The following RAB3GAP1 variants were observed in gnomAD, a reference collection of about 807,000 sequenced individuals.
RAB3GAP1 encodes RAB3 GTPase activating protein catalytic subunit 1, also known as rab3 GTPase-activating protein catalytic subunit.
RAB3GAP1 carries 86 observed loss-of-function variants against 130.7 expected under a neutral mutation model. The observed-to-expected ratio is 0.66, with a 90% confidence interval of 0.55 to 0.79. The LOEUF (loss-of-function observed/expected upper bound fraction) is 0.79, where lower values mean the gene tolerates loss of function less well. RAB3GAP1 is among the 30% of genes least tolerant of loss of function. The probability of loss-of-function intolerance (pLI) is 0.00; values close to 1 mark genes in which losing one functional copy is unlikely to be tolerated. For synonymous variants in RAB3GAP1, 367 were observed against 401.7 expected (o/e 0.91, Z 1.03); for missense variants, 1,029 against 1,169.4 (o/e 0.88, Z 1.75).
chr2:135,140,680 G>T (rs1212982688), intron 17 of RAB3GAP1, among the ~76,000 whole-genome samples: 1 of 152,212 alleles, frequency 6.6e-6, no homozygotes, highest in African/African-American at 2.4e-5. Context: ...ACAGCAGTGG[G>T]AGTTATCAGT....
At chr2:135,143,116 T>G (rs1372317686) in intron 17 of RAB3GAP1, among the ~76,000 whole-genome samples, 3 of 152,044 alleles carry the variant, frequency 2.0e-5, no homozygotes, top group African/African-American at 7.2e-5. Context: ...TAAATTAGAT[T>G]TCTTTAATAG....
At chr2:135,083,746 T>G (rs1000231037) in intron 3 of RAB3GAP1, among the ~76,000 whole-genome samples, 3 of 147,784 alleles carry the variant, frequency 2.0e-5, no homozygotes, top group African/African-American at 7.5e-5. Context: ...ATTATAGGCG[T>G]CAGCCACTGT....
At chr2:135,126,860 CT>C (rs1691364430) in intron 11 of RAB3GAP1, among the ~76,000 whole-genome samples, 1 of 152,054 alleles carries the variant, frequency 6.6e-6, no homozygotes, top group South Asian at 2.1e-4. Context: ...CTTTATGTTT[CT>C]GATGCTTTTA....
intron 3 of RAB3GAP1, among the ~76,000 whole-genome samples, chr2:135,071,362 A>G (rs1558761767): frequency 1.3e-5 from 2 of 152,180 alleles, no homozygotes; most frequent in African/African-American, 2.4e-5. Context: ...AAATATTTGA[A>G]TGGATGGTAA....
intron 2 of RAB3GAP1, among the ~76,000 whole-genome samples, chr2:135,056,352 G>C (rs1689010949): frequency 6.6e-6 from 1 of 151,952 alleles, no homozygotes; most frequent in Non-Finnish European, 1.5e-5. Flanking sequence ...ACAGGTGCCT[G>C]CCACCGCGCC....
chr2:135,094,762 G>GT lies in RAB3GAP1; in HGVS notation c.362+1076dup, dbSNP rs1046757469. On this transcript the variant is annotated intron_variant, in intron 5 of 23. Coordinates refer to ENST00000264158, the MANE Select transcript of RAB3GAP1 (RefSeq NM_012233.3). Reference sequence around the variant, plus strand: ...TTATCTCCGTGAGTTCAGTTTGTTTGTTTTTTTAGCTCCCACATATTAGTG... The same window carrying GT: ...TTATCTCCGTGAGTTCAGTTTGTTTGTTTTTTTTAGCTCCCACATATTAGTG... Among the ~76,000 whole-genome samples, 12 of 152,084 alleles carry GT rather than the reference G, an allele frequency of 7.9e-5. No homozygotes were observed. In the East Asian group the frequency reaches 1.7e-3, roughly 22 times the overall value.
intron 4 of RAB3GAP1, among the ~76,000 whole-genome samples, chr2:135,092,133 A>G (rs1412184169): frequency 6.6e-6 from 1 of 152,212 alleles, no homozygotes. Flanking sequence ...CCATATATAC[A>G]TATATGTAAG....
intron 3 of RAB3GAP1, among the ~76,000 whole-genome samples, chr2:135,090,617 A>T (rs374955921): frequency 6.6e-6 from 1 of 152,236 alleles, no homozygotes; most frequent in Non-Finnish European, 1.5e-5. Flanking sequence ...AATAAGTGCT[A>T]CAGGTGTCAT....
intron 5 of RAB3GAP1, among the ~76,000 whole-genome samples, chr2:135,105,215 TCCCCCTTCCCCCTCCCGCTC>T (rs1389755517): frequency 2.1e-4 from 2 of 9,558 alleles, no homozygotes; most frequent in African/African-American, 3.8e-4. Flanking sequence ...CCTCTCCCCC[TCCCCCTTCCCCCTCCCGCTC>T]CCCCCTTCCC....
At chr2:135,141,623 G>T (rs535970764) in intron 17 of RAB3GAP1, among the ~76,000 whole-genome samples, 12 of 152,124 alleles carry the variant, frequency 7.9e-5, no homozygotes, top group African/African-American at 2.9e-4. Context: ...TGCTTTTTGT[G>T]TTCTGCTTAA....
At chr2:135,168,371 T>G (rs1362374849) in intron 23 of RAB3GAP1, among the ~76,000 whole-genome samples, 174 bp from the exon 24 acceptor site, 1 of 152,262 alleles carries the variant, frequency 6.6e-6, no homozygotes, top group Non-Finnish European at 1.5e-5. Context: ...GTCTCAAGCT[T>G]CTTGCATTTG....
Position 135,157,839 on chromosome 2 carries a change from A to C in RAB3GAP1, c.2289+3963A>C, listed in dbSNP as rs547070098. Among the ~76,000 whole-genome samples the C allele has an allele frequency of 2.8e-4, 42 of 151,842 alleles. No individual in the cohort carries two copies. In the East Asian group the frequency reaches 7.9e-3, roughly 29 times the overall value. ...AGAGTGAGAATCCATCTCAAAAAAA[A>C]AAAAAAAAAACAAAAACAATCTTGA... On this transcript the variant is annotated intron_variant, in intron 19 of 23. Transcript: ENST00000264158.
At chr2:135,141,347 C>T (rs925589182) in intron 17 of RAB3GAP1, among the ~76,000 whole-genome samples, 4 of 151,644 alleles carry the variant, frequency 2.6e-5, no homozygotes, top group Non-Finnish European at 5.9e-5. Context: ...GCCTCAGCCT[C>T]CCGAGTAGCT....
intron 23 of RAB3GAP1, among the ~76,000 whole-genome samples, chr2:135,164,949 G>T (rs1161508334): frequency 6.6e-6 from 1 of 152,156 alleles, no homozygotes; most frequent in Non-Finnish European, 1.5e-5. Context: ...AAAATCCATT[G>T]TTATAGAAGC....
Position 135,058,005 on chromosome 2 carries a change from T to G in RAB3GAP1, c.75-6T>G. On this transcript the variant is annotated splice_region_variant and splice_polypyrimidine_tract_variant and intron_variant, in intron 2 of 23. Coordinates refer to ENST00000264158, the MANE Select transcript of RAB3GAP1 (RefSeq NM_012233.3). ...TGTATTTAGAAGCTTTCTCCCTACT[T>G]CCTAGGTTTATTTCCAAAGTTGAAG... 3.1e-6 allele frequency: 5 copies of G among 1,601,930 alleles called. No individual in the cohort carries two copies. Among genetic ancestry groups the G allele is most frequent in the Non-Finnish European group, 3.4e-6 (4 of 1,169,204 alleles).
rs77972211 is a variant in RAB3GAP1 at position 135,130,062 on chromosome 2, A to G, written c.1041A>G (p.Arg347=). The change falls in exon 12 of 24, where the codon CGA becomes CGG. Residue 347 remains arginine, a synonymous_variant. Coordinates refer to ENST00000264158, the MANE Select transcript of RAB3GAP1 (RefSeq NM_012233.3). ...AGTCAACTGATGAGATTCTTGGACG[A>G]TCTGCATTTGAGGAAGAAGGCAAAG... is the stretch of plus-strand genomic sequence containing the variant. ...RKESTDEILG[R]SAFEEEGKET... The G allele has an allele frequency of 2.2e-3, 3,554 of 1,613,164 alleles. 74 individuals are homozygous for G. The African/African-American group carries it at 0.042, about 19-fold the overall frequency.
At chr2:135,136,027 C>A in intron 17 of RAB3GAP1, 95 bp downstream of exon 17, 3 of 1,523,830 alleles carry the variant, frequency 2.0e-6, no homozygotes, top group South Asian at 2.3e-5. Context: ...GAAAATTATC[C>A]AAAAAGTCTA....
chr2:135,081,339 T>A (rs1299667559), intron 3 of RAB3GAP1, among the ~76,000 whole-genome samples: 117 of 83,838 alleles, frequency 1.4e-3, no homozygotes, highest in African/African-American at 5.8e-3. Flanking sequence ...TATATATATA[T>A]ATATATATAT....
intron 19 of RAB3GAP1, among the ~76,000 whole-genome samples, chr2:135,159,554 A>G (rs770767196): frequency 2.0e-5 from 3 of 152,380 alleles, no homozygotes; most frequent in Non-Finnish European, 4.4e-5. Context: ...AGTAAAAACA[A>G]TGAAAACCTG....
Sources: gnomAD v4.1 joint callset for allele counts (sites outside exome capture counted in the v4.1 genomes callset) on GRCh38, gnomAD v4.1.1 for gene constraint, MANE v1.5 for transcripts, NCBI Gene and HGNC (gene_info 2026-07-23, HGNC 2026-07-21) for gene names.